XKR4: variants seen among roughly 807,000 people sequenced by gnomAD.
XKR4 encodes XK related 4.
A neutral mutation model predicts 53.9 loss-of-function variants in XKR4; 12 were observed. The ratio of observed to expected loss-of-function variants is 0.22; its 90% CI spans 0.14 to 0.36. The LOEUF (loss-of-function observed/expected upper bound fraction) is 0.36, where lower values mean the gene tolerates loss of function less well. Among genes scored for constraint, XKR4 ranks in the 10% least tolerant of loss-of-function variants. XKR4 has a pLI of 1.00. For missense variants in XKR4, 799 were observed against 859.5 expected (o/e 0.93, Z 0.88); for synonymous variants, 354 against 362.4 (o/e 0.98, Z 0.26).
intron 2 of XKR4, among the ~76,000 whole-genome samples, chr8:55,495,509 C>T (rs16921879): frequency 0.058 from 8,786 of 152,280 alleles, 669 homozygotes; most frequent in East Asian, 0.28. Context: ...CCCATTCCTC[C>T]GTGCCCTACC....
chr8:55,156,167 G>C (rs757840637), intron 1 of XKR4, among the ~76,000 whole-genome samples: 5 of 152,006 alleles, frequency 3.3e-5, no homozygotes, highest in Non-Finnish European at 5.9e-5. Context: ...CTTCCGCAGG[G>C]AAAACAAGGC....
chr8:55,321,720 G>C (rs1214458836), intron 1 of XKR4, among the ~76,000 whole-genome samples: 3 of 152,216 alleles, frequency 2.0e-5, no homozygotes, highest in Admixed American at 6.5e-5. Flanking sequence ...GCCGGGCATG[G>C]TGGCTCATGC....
intron 1 of XKR4, among the ~76,000 whole-genome samples, chr8:55,341,267 G>T (rs946252147): frequency 6.6e-6 from 1 of 152,144 alleles, no homozygotes; most frequent in Non-Finnish European, 1.5e-5. Flanking sequence ...CCTCTGTGAG[G>T]CAGTGGTCAG....
intron 1 of XKR4, among the ~76,000 whole-genome samples, chr8:55,300,225 A>G (rs1012066164): frequency 3.3e-5 from 5 of 152,144 alleles, no homozygotes; most frequent in African/African-American, 1.2e-4. Context: ...GACAGACTCT[A>G]TGCTGTGTGT....
intron 1 of XKR4, among the ~76,000 whole-genome samples, chr8:55,295,461 A>G (rs1486122472): frequency 1.3e-5 from 2 of 152,226 alleles, no homozygotes. Flanking sequence ...ATACATAGTA[A>G]CTGGGCACTT....
intron 1 of XKR4, among the ~76,000 whole-genome samples, chr8:55,162,999 T>A (rs1817007357): frequency 6.6e-6 from 1 of 152,230 alleles, no homozygotes. Context: ...ATGCTTTACA[T>A]TTTTTATTAA....
intron 1 of XKR4, among the ~76,000 whole-genome samples, chr8:55,278,335 T>TAAA (rs202025635): frequency 7.3e-5 from 9 of 123,618 alleles, no homozygotes; most frequent in African/African-American, 2.8e-4. Context: ...AGATCCTGTC[T>TAAA]AAAAAAAAAA....
At chr8:55,313,328 A>G (rs943501394) in intron 1 of XKR4, among the ~76,000 whole-genome samples, 3 of 152,214 alleles carry the variant, frequency 2.0e-5, no homozygotes, top group African/African-American at 7.2e-5. Context: ...TGTCCAATCC[A>G]TTCTGAGGAT....
At chr8:55,145,221 G>A (rs1816756609) in intron 1 of XKR4, among the ~76,000 whole-genome samples, 1 of 151,974 alleles carries the variant, frequency 6.6e-6, no homozygotes, top group Admixed American at 6.6e-5. Flanking sequence ...CATTCCTGTG[G>A]TCATCACGTT....
At position 55,102,838 on chromosome 8, in the gene XKR4, C is replaced by T; in HGVS notation, c.350C>T (p.Ala117Val). The change falls in exon 1 of 3, where the codon GCC (alanine) becomes GTC (valine). Residue 117 changes from alanine to valine, a missense_variant. By Grantham distance (64) the Ala-to-Val change is moderately conservative. Coordinates refer to ENST00000327381, the MANE Select transcript of XKR4 (RefSeq NM_052898.2). This position sits in a 1 kb window ranked among gnomAD's most constrained non-coding sequence, Gnocchi z 5.1. ...YSLWDCLWIL[A>V]AVAVYFADVG... Reference sequence around the variant, plus strand: ...CTGTGGGACTGCCTCTGGATCCTGGCCGCCGTGGCCGTGTACTTCGCGGAC... The same window carrying T: ...CTGTGGGACTGCCTCTGGATCCTGGTCGCCGTGGCCGTGTACTTCGCGGAC... The T allele has an allele frequency of 6.2e-7, 1 of 1,610,904 alleles. No individual in the cohort carries two copies. Among genetic ancestry groups the T allele is most frequent in the Non-Finnish European group, 8.5e-7 (1 of 1,179,870 alleles).
chr8:55,161,710 C>G, intron 1 of XKR4: 1 of 440,074 alleles, frequency 2.3e-6, no homozygotes, highest in Admixed American at 2.4e-5. Context: ...TGAGCAATTC[C>G]TCCAGGCAGG....
intron 1 of XKR4, among the ~76,000 whole-genome samples, chr8:55,151,408 C>A (rs1417267342): frequency 6.6e-6 from 1 of 152,150 alleles, no homozygotes; most frequent in Non-Finnish European, 1.5e-5. Context: ...GCCAATTGTA[C>A]CGCAAACTTC....
At chr8:55,200,368 A>T (rs149273440) in intron 1 of XKR4, among the ~76,000 whole-genome samples, 1 of 152,298 alleles carries the variant, frequency 6.6e-6, no homozygotes, top group Non-Finnish European at 1.5e-5. Context: ...GCGCCCGGCC[A>T]GTCTATATCC....
chr8:55,398,117 C>A (rs78129086), intron 2 of XKR4, among the ~76,000 whole-genome samples: 11 of 152,150 alleles, frequency 7.2e-5, no homozygotes, highest in African/African-American at 2.2e-4. Flanking sequence ...CAGGGATATG[C>A]GCACTTTCAG....
chr8:55,451,050 G>A, intron 2 of XKR4: 1 of 538,864 alleles, frequency 1.9e-6, no homozygotes, highest in East Asian at 4.6e-5. Context: ...TACCTTAATG[G>A]GCACCAGCTC....
At chr8:55,299,965 TCC>T (rs1460233880) in intron 1 of XKR4, among the ~76,000 whole-genome samples, 3 of 151,624 alleles carry the variant, frequency 2.0e-5, no homozygotes, top group African/African-American at 7.3e-5. Context: ...CTGGAGGAGC[TCC>T]CCAGGAGAGG....
chr8:55,164,177 C>T (rs1336905855), intron 1 of XKR4: 2 of 456,562 alleles, frequency 4.4e-6, no homozygotes, highest in Non-Finnish European at 8.8e-6. Context: ...CCTGGCCCAG[C>T]ACACAGGTTG....
At chr8:55,401,495 A>T (rs2129389981) in intron 2 of XKR4, among the ~76,000 whole-genome samples, 1 of 152,354 alleles carries the variant, frequency 6.6e-6, no homozygotes, top group Middle Eastern at 3.4e-3. Context: ...GACCTGCTGG[A>T]GGGCTGTCCA....
intron 1 of XKR4, among the ~76,000 whole-genome samples, chr8:55,136,612 G>A (rs944672812): frequency 1.6e-4 from 24 of 152,182 alleles, no homozygotes; most frequent in African/African-American, 5.5e-4. Flanking sequence ...AATTGGAAGA[G>A]TTAAAACATA....
Sources: gnomAD v4.1 joint callset for allele counts (sites outside exome capture counted in the v4.1 genomes callset) on GRCh38, gnomAD v4.1.1 for gene constraint, Gnocchi (gnomAD v3.1) non-coding constraint, MANE v1.5 for transcripts, NCBI Gene and HGNC (gene_info 2026-07-23, HGNC 2026-07-21) for gene names.